Variants in BTBD9 observed in about 807,000 individuals in gnomAD.
BTBD9 encodes the protein BTB/POZ domain-containing protein 9.
In BTBD9, 49 loss-of-function variants were observed where a neutral mutation model predicts 64.3. That is an observed-to-expected ratio of 0.76 (90% confidence interval 0.61 to 0.97). The LOEUF (loss-of-function observed/expected upper bound fraction) is 0.97, where lower values mean the gene tolerates loss of function less well. Ranked by LOEUF, BTBD9 falls within the 50% of genes least tolerant of loss-of-function variation. The pLI, the probability that BTBD9 is intolerant of heterozygous loss-of-function variation, is 0.00. For synonymous variants in BTBD9, 260 were observed against 274.7 expected (o/e 0.95, Z 0.53); for missense variants, 598 against 762.1 (o/e 0.78, Z 2.53).
intron 6 of BTBD9, among the ~76,000 whole-genome samples, chr6:38,545,610 T>C (rs1303990245): frequency 7.3e-5 from 11 of 151,394 alleles, no homozygotes; most frequent in Admixed American, 7.2e-4. Flanking sequence ...AAACCCCGTC[T>C]CTACTAAAAA....
chr6:38,580,262 G>A lies in BTBD9; in HGVS notation c.990C>T (p.Ser330=), dbSNP rs746161466. The A allele has an allele frequency of 5.6e-6, 9 of 1,614,184 alleles. No individual in the cohort carries two copies. The highest frequency in any genetic ancestry group is 4.4e-5 in the South Asian group (4 of 91,080). ...SGIEIKLGQP[S]IINHIRILLW... ...AGAGTATCCGTATGTGATTGATAAT[G>A]GATGGCTGACCTAGCTTAATCTCGA... Residue 330 remains serine (S), a synonymous_variant, in exon 5 of 11, where the codon TCC becomes TCT. Coordinates refer to ENST00000481247, the MANE Select transcript of BTBD9 (RefSeq NM_001099272.2).
Position 38,536,363 on chromosome 6 carries a change from G to A in BTBD9, c.1154+41237C>T, listed in dbSNP as rs188448880. Among the ~76,000 whole-genome samples, 13 of 152,182 alleles carry A rather than the reference G, an allele frequency of 8.5e-5. No individual in the cohort carries two copies. In the East Asian group the frequency reaches 9.6e-4, roughly 11 times the overall value. ...ATGATGTGGAGAAAAGGGAACCCTC[G>A]TACACTGCTGGTGGAAATGTACATT... is the stretch of plus-strand genomic sequence containing the variant. On this transcript the variant is annotated intron_variant, in intron 6 of 10. Transcript: ENST00000481247.
intron 6 of BTBD9, among the ~76,000 whole-genome samples, chr6:38,532,725 G>A (rs1474262181): frequency 5.9e-5 from 9 of 151,900 alleles, no homozygotes; most frequent in South Asian, 2.1e-4. Flanking sequence ...CCCAGTCCTC[G>A]AAGGATCCAT....
chr6:38,531,176 C>G (rs966218498), intron 6 of BTBD9, among the ~76,000 whole-genome samples: 2 of 152,126 alleles, frequency 1.3e-5, no homozygotes, highest in Admixed American at 1.3e-4. Context: ...ATTTAATAAT[C>G]AAACTTCCGA....
intron 6 of BTBD9, among the ~76,000 whole-genome samples, chr6:38,481,103 G>A (rs1771118276): frequency 6.6e-6 from 1 of 152,160 alleles, no homozygotes; most frequent in South Asian, 2.1e-4. Context: ...AGTAGGGAGA[G>A]GCAAAACAGA....
chr6:38,382,516 C>CAA (rs35186359), intron 6 of BTBD9, among the ~76,000 whole-genome samples: 7 of 60,230 alleles, frequency 1.2e-4, no homozygotes, highest in African/African-American at 4.2e-4. Flanking sequence ...GACCTTGTCT[C>CAA]AAAAAAAAAA....
intron 6 of BTBD9, among the ~76,000 whole-genome samples, chr6:38,471,890 A>G (rs1471484810): frequency 6.6e-6 from 1 of 152,224 alleles, no homozygotes; most frequent in Non-Finnish European, 1.5e-5. Flanking sequence ...GAAGGTAAAA[A>G]CATGGTCATT....
At chr6:38,323,378 G>A (rs915171074) in intron 7 of BTBD9, among the ~76,000 whole-genome samples, 38 of 152,128 alleles carry the variant, frequency 2.5e-4, no homozygotes, top group African/African-American at 8.7e-4. Flanking sequence ...TCAAACAGAT[G>A]GGAAGAAAAA....
chr6:38,333,409 A>C (rs1763752431), intron 7 of BTBD9, among the ~76,000 whole-genome samples: 2 of 152,172 alleles, frequency 1.3e-5, no homozygotes, highest in Non-Finnish European at 2.9e-5. Context: ...TTCTGGTAAA[A>C]ACTTAGATAC....
chr6:38,409,879 G>A (rs1767333471), intron 6 of BTBD9, among the ~76,000 whole-genome samples: 1 of 151,884 alleles, frequency 6.6e-6, no homozygotes, highest in Admixed American at 6.6e-5. Flanking sequence ...GCTTATGGGT[G>A]GTTGTACAAG....
At chr6:38,547,280 A>C (rs924370429) in intron 6 of BTBD9, among the ~76,000 whole-genome samples, 4 of 152,126 alleles carry the variant, frequency 2.6e-5, no homozygotes, top group African/African-American at 9.7e-5. Flanking sequence ...AATACAAATA[A>C]TTAGCTGGGC....
At chr6:38,406,925 A>C (rs2127250968) in intron 6 of BTBD9, among the ~76,000 whole-genome samples, 1 of 152,278 alleles carries the variant, frequency 6.6e-6, no homozygotes, top group East Asian at 1.9e-4. Flanking sequence ...ATGCTCAAGG[A>C]AGCTCAATGA....
At chr6:38,220,942 A>G (rs1347727173) in intron 9 of BTBD9, among the ~76,000 whole-genome samples, 1 of 152,236 alleles carries the variant, frequency 6.6e-6, no homozygotes, top group Non-Finnish European at 1.5e-5. Context: ...AAGGTCATAC[A>G]GATGCAAGAA....
intron 6 of BTBD9, among the ~76,000 whole-genome samples, chr6:38,536,836 G>A (rs1293782582): frequency 6.6e-6 from 1 of 152,086 alleles, no homozygotes; most frequent in Non-Finnish European, 1.5e-5. Context: ...GCTGGGGGTG[G>A]AGGAAAGTGG....
chr6:38,180,246 G>A lies in BTBD9; in HGVS notation c.1642-5064C>T, dbSNP rs560694128. 5.9e-5 allele frequency among the ~76,000 whole-genome samples: 9 copies of A among 152,372 alleles called. No individual in the cohort carries two copies. The South Asian group carries it at 1.9e-3, about 32-fold the overall frequency. Reference sequence around the variant, plus strand: ...CCCGATTCTGTTCTTGGGAGCGGGAGTGAAAAGCAAGCCTGTCGTGGGGAA... The same window carrying A: ...CCCGATTCTGTTCTTGGGAGCGGGAATGAAAAGCAAGCCTGTCGTGGGGAA... On this transcript the variant is annotated intron_variant, in intron 10 of 10. Transcript: ENST00000481247.
intron 6 of BTBD9, among the ~76,000 whole-genome samples, chr6:38,413,587 C>T (rs540470088): frequency 5.3e-4 from 80 of 152,276 alleles, no homozygotes; most frequent in African/African-American, 1.8e-3. Context: ...TTATTCATCA[C>T]TTTCAAAATA....
intron 6 of BTBD9, among the ~76,000 whole-genome samples, chr6:38,350,425 G>A (rs2127592442): frequency 6.6e-6 from 1 of 152,280 alleles, no homozygotes; most frequent in Non-Finnish European, 1.5e-5. Context: ...CAGTTCTAGT[G>A]GAGCACAAGC....
At position 38,184,362 on chromosome 6, in the gene BTBD9, C is replaced by A. The variant is rs1249592086; in HGVS notation, c.1641+8157G>T. The stretch of plus-strand genomic sequence containing the variant: ...GGGCCTCCGTGCTGCCATCTGAAAC[C>A]TAAGTTTGTTTCCATTATTTCTATT... On this transcript the variant is annotated intron_variant, in intron 10 of 10. Coordinates refer to ENST00000481247, the MANE Select transcript of BTBD9 (RefSeq NM_001099272.2). The surrounding 1 kb of genome is among the most constrained non-coding windows in gnomAD (Gnocchi z 4.4). Among the ~76,000 whole-genome samples, 2 of 152,216 alleles carry A rather than the reference C, an allele frequency of 1.3e-5. No homozygotes were observed. Among genetic ancestry groups the A allele is most frequent in the African/African-American group, 2.4e-5 (1 of 41,454 alleles).
chr6:38,176,200 C>G (rs955069625), intron 10 of BTBD9, among the ~76,000 whole-genome samples: 1 of 152,226 alleles, frequency 6.6e-6, no homozygotes, highest in African/African-American at 2.4e-5. Context: ...ACTGCACGAG[C>G]ATGTGTGCAC....
Sources: gnomAD v4.1 joint callset for allele counts (sites outside exome capture counted in the v4.1 genomes callset) on GRCh38, gnomAD v4.1.1 for gene constraint, Gnocchi (gnomAD v3.1) non-coding constraint, MANE v1.5 for transcripts, NCBI Gene and HGNC (gene_info 2026-07-23, HGNC 2026-07-21) for gene names.